TP63: variants seen among roughly 807,000 people sequenced by gnomAD.
The protein encoded by TP63 is tumor protein 63.
TP63 carries 17 observed loss-of-function variants against 82.8 expected under a neutral mutation model. That is an observed-to-expected ratio of 0.21 (90% CI 0.14 to 0.31). The LOEUF (loss-of-function observed/expected upper bound fraction) is 0.31. Among genes scored for constraint, TP63 ranks in the 10% least tolerant of loss-of-function variants. The pLI is 1.00. For synonymous variants in TP63, 330 were observed against 321.7 expected, an observed-to-expected ratio of 1.03 and a Z score of -0.28; for missense variants, 648 against 895.3, an observed-to-expected ratio of 0.72 and a Z score of 3.52.
the TP63 span, among the ~76,000 whole-genome samples, chr3:189,598,128 A>G: frequency 6.6e-6 from 1 of 152,140 alleles, no homozygotes; most frequent in Non-Finnish European, 1.5e-5. Flanking sequence ...TCAGCATAAA[A>G]TATCTACACT....
chr3:189,846,059 C>T (rs1402360127), intron 4 of TP63, among the ~76,000 whole-genome samples: 2 of 151,826 alleles, frequency 1.3e-5, no homozygotes, highest in African/African-American at 2.4e-5. Flanking sequence ...CAGCCAAAAG[C>T]GTGTAATATA....
At chr3:189,663,470 A>G (rs1053237308) in intron 1 of TP63, among the ~76,000 whole-genome samples, 1 of 151,344 alleles carries the variant, frequency 6.6e-6, no homozygotes, top group Non-Finnish European at 1.5e-5. Flanking sequence ...ATTTCAGGCA[A>G]GATGAACTAA....
intron 1 of TP63, among the ~76,000 whole-genome samples, chr3:189,633,271 G>A (rs1729573652): frequency 6.6e-6 from 1 of 151,780 alleles, no homozygotes; most frequent in African/African-American, 2.4e-5. Flanking sequence ...GTGCAAGTTT[G>A]TTATACAGGT....
At chr3:189,627,154 A>C (rs1729338071), upstream of TP63, among the ~76,000 whole-genome samples, 1 of 152,182 alleles carries the variant, frequency 6.6e-6, no homozygotes. Flanking sequence ...TCTCCTTCAG[A>C]GTTATAGCAG....
intron 3 of TP63, among the ~76,000 whole-genome samples, chr3:189,767,050 G>A (rs972573737): frequency 7.9e-5 from 12 of 152,034 alleles, no homozygotes; most frequent in South Asian, 2.1e-4. Context: ...TAAAAATCAC[G>A]TATTTCCACA....
At position 189,776,218 on chromosome 3, in the gene TP63, A is replaced by G. The variant is rs547100071; in HGVS notation, c.325-32054A>G. Among the ~76,000 whole-genome samples the G allele has an allele frequency of 5.3e-5, 8 of 152,290 alleles. No individual in the cohort carries two copies. In the South Asian group the frequency reaches 1.2e-3, roughly 24 times the overall value. On this transcript the variant is annotated intron_variant, in intron 3 of 13. Transcript: ENST00000264731. Reference sequence around the variant, plus strand: ...ATGATTTCTAAAGTCTCTTGATGTAATATTCTTTAGTTTTATTTTTATCAT... The same window carrying G: ...ATGATTTCTAAAGTCTCTTGATGTAGTATTCTTTAGTTTTATTTTTATCAT...
the TP63 span, among the ~76,000 whole-genome samples, chr3:189,616,966 A>G: frequency 5.0e-4 from 76 of 152,328 alleles, no homozygotes; most frequent in South Asian, 2.1e-4. Context: ...AGCATTAGGC[A>G]TAGAATATGT....
intron 1 of TP63, among the ~76,000 whole-genome samples, chr3:189,642,978 A>AATTTATTTATTTATTT (rs202072069): frequency 0.16 from 21,668 of 137,442 alleles, 2,169 homozygotes; most frequent in Admixed American, 0.28. Flanking sequence ...CAGACAGCCA[A>AATTTATTTATTTATTT]ATTTATTTAT....
chr3:189,877,172 C>T (rs1280499809), intron 10 of TP63, among the ~76,000 whole-genome samples: 5 of 152,128 alleles, frequency 3.3e-5, no homozygotes, highest in African/African-American at 4.8e-5. Context: ...GTTATAGATA[C>T]AAGTAGGCTT....
chr3:189,636,926 C>T (rs1314047040), intron 1 of TP63, among the ~76,000 whole-genome samples: 1 of 152,160 alleles, frequency 6.6e-6, no homozygotes, highest in Non-Finnish European at 1.5e-5. Context: ...TTATGATTAT[C>T]ATAGACTTTG....
chr3:189,843,037 C>T (rs1356116625), intron 4 of TP63, among the ~76,000 whole-genome samples: 6 of 152,142 alleles, frequency 3.9e-5, no homozygotes. Flanking sequence ...ACTGGGTTTC[C>T]AAATCCATAC....
chr3:189,778,886 A>G (rs1724020806), intron 3 of TP63, among the ~76,000 whole-genome samples: 1 of 152,268 alleles, frequency 6.6e-6, no homozygotes, highest in South Asian at 2.1e-4. Context: ...AATGATTAAG[A>G]TCGGTATAAT....
chr3:189,864,767 G>A lies in TP63; in HGVS notation c.766+349G>A, dbSNP rs572590826. Among the ~76,000 whole-genome samples, 417 of 151,994 alleles carry A rather than the reference G, an allele frequency of 2.7e-3. 3 individuals carry two copies. Among genetic ancestry groups the A allele is most frequent in the African/African-American group, 9.4e-3 (391 of 41,434 alleles). ...CATGCCCGTAATCCCAGCACTTTGC[G>A]AGGCCGAGGTGGGCAGATCATGAGG... On this transcript the variant is annotated intron_variant, in intron 5 of 13. Transcript: ENST00000264731.
intron 1 of TP63, among the ~76,000 whole-genome samples, chr3:189,668,698 G>A (rs1015540157): frequency 6.6e-6 from 1 of 152,008 alleles, no homozygotes; most frequent in East Asian, 1.9e-4. Context: ...AAGTGAGAAA[G>A]GGGTGAAAAA....
chr3:189,773,351 T>C lies in TP63; in HGVS notation c.324+34577T>C, dbSNP rs143770232. Among the ~76,000 whole-genome samples the C allele has an allele frequency of 4.7e-3, 709 of 152,322 alleles. 5 individuals carry two copies. Among genetic ancestry groups the C allele is most frequent in the African/African-American group, 0.016 (670 of 41,544 alleles). On this transcript the variant is annotated intron_variant, in intron 3 of 13. Transcript: ENST00000264731. Reference sequence around the variant, plus strand: ...ATTTTCGGTCAAAGTCCTTAGACAGTAAATCTTTCAGACAGCTTCAGGCCA... The same window carrying C: ...ATTTTCGGTCAAAGTCCTTAGACAGCAAATCTTTCAGACAGCTTCAGGCCA...
chr3:189,708,492 A>T lies in TP63; in HGVS notation c.63-29248A>T, dbSNP rs138291962. ...TTAATTTCTTCTCTGGAATGGATGCATCTAATTTCTGAGGAAAACCTCAAA... is the reference window on the plus strand; with the variant it reads ...TTAATTTCTTCTCTGGAATGGATGCTTCTAATTTCTGAGGAAAACCTCAAA... On this transcript the variant is annotated intron_variant, in intron 1 of 13. Coordinates refer to ENST00000264731, the MANE Select transcript of TP63 (RefSeq NM_003722.5). Among the ~76,000 whole-genome samples the T allele has an allele frequency of 1.1e-4, 17 of 152,342 alleles. No individual in the cohort carries two copies. The East Asian group carries it at 3.3e-3, about 29-fold the overall frequency.
At chr3:189,600,674 A>G in the TP63 span, among the ~76,000 whole-genome samples, 1 of 152,110 alleles carries the variant, frequency 6.6e-6, no homozygotes, top group Non-Finnish European at 1.5e-5. Flanking sequence ...ATTCTAATTA[A>G]TGTTCGATCT....
chr3:189,674,558 T>G (rs1223211863), intron 1 of TP63, among the ~76,000 whole-genome samples: 1 of 152,024 alleles, frequency 6.6e-6, no homozygotes, highest in East Asian at 1.9e-4. Flanking sequence ...ACAGAAAGTT[T>G]CCCAAAATTT....
upstream of TP63, among the ~76,000 whole-genome samples, chr3:189,626,850 G>A (rs1371112303): frequency 1.3e-5 from 2 of 152,076 alleles, no homozygotes; most frequent in Non-Finnish European, 2.9e-5. Context: ...CCCTTTCTGA[G>A]ATGTGTGGTT....
Sources: allele counts gnomAD v4.1 joint callset (sites outside exome capture counted in the v4.1 genomes callset), GRCh38; gene constraint gnomAD v4.1.1; transcripts MANE v1.5; gene names NCBI Gene and HGNC (gene_info 2026-07-23, HGNC 2026-07-21).